SLC49A4: variants seen among roughly 807,000 people sequenced by gnomAD.
The protein encoded by SLC49A4 is disrupted in renal cancer protein 2.
Under a neutral mutation model 50.6 loss-of-function variants are expected in SLC49A4, and 36 were observed. The observed-to-expected ratio is 0.71, with a 90% CI of 0.55 to 0.94. The LOEUF (loss-of-function observed/expected upper bound fraction) is 0.94, where lower values mean the gene tolerates loss of function less well. Among genes scored for constraint, SLC49A4 ranks in the 40% least tolerant of loss-of-function variants. The pLI is 0.00. For synonymous variants in SLC49A4, 248 were observed against 241.2 expected (o/e 1.03, Z -0.26); for missense variants, 503 against 605.7 (o/e 0.83, Z 1.78).
At chr3:122,814,907 C>A (rs1936343817) in intron 2 of SLC49A4, among the ~76,000 whole-genome samples, 1 of 151,970 alleles carries the variant, frequency 6.6e-6, no homozygotes, top group African/African-American at 2.4e-5. Context: ...GATTGGACAC[C>A]CCTGGTCTAA....
rs1937335135 is a variant in SLC49A4, at chr3:122,881,137, G to A, written c.*1759G>A. On this transcript the variant is annotated 3_prime_UTR_variant, in exon 9 of 9. Transcript: ENST00000261038. The stretch of plus-strand genomic sequence containing the variant: ...TTCTGAAATAAAAATGAAATAAAAG[G>A]AAGGCAGAATTCTCTTTTTTTTTTT... 6.6e-6 allele frequency: 1 copy of A among 151,690 alleles called. No individual in the cohort carries two copies. The highest frequency in any genetic ancestry group is 1.5e-5 in the Non-Finnish European group (1 of 67,956). The allele number at this position is 151,690 out of a possible 1,614,324, so 9.4% of individuals were successfully genotyped here.
At chr3:122,819,755 A>G (rs1239931531) in intron 2 of SLC49A4, among the ~76,000 whole-genome samples, 1 of 152,096 alleles carries the variant, frequency 6.6e-6, no homozygotes, top group Non-Finnish European at 1.5e-5. Flanking sequence ...TTCTTGGGCT[A>G]AATAAAGGAA....
intron 1 of SLC49A4, among the ~76,000 whole-genome samples, chr3:122,802,841 A>G (rs1385077061): frequency 2.6e-5 from 4 of 152,194 alleles, no homozygotes; most frequent in Non-Finnish European, 4.4e-5. Flanking sequence ...AGTATATAGC[A>G]CTAGAAACTG....
chr3:122,842,971 A>G (rs1055597826), intron 4 of SLC49A4, among the ~76,000 whole-genome samples: 1 of 152,086 alleles, frequency 6.6e-6, no homozygotes, highest in Non-Finnish European at 1.5e-5. Flanking sequence ...TTTCTGAGTT[A>G]ATCAGATTAT....
At chr3:122,797,065 C>T (rs1936053425) in intron 1 of SLC49A4, among the ~76,000 whole-genome samples, 1 of 152,158 alleles carries the variant, frequency 6.6e-6, no homozygotes, top group Admixed American at 6.5e-5. Context: ...CTTCTCTCCT[C>T]CTTCACTGGA....
chr3:122,795,548 G>C lies in SLC49A4; in HGVS notation c.343+13G>C. ...CTGGACAAGAGAGGTGAGGGGTCGCGGAGCGCCAGCCCGCGCTGTCTCTCC... is the reference window on the plus strand; with the variant it reads ...CTGGACAAGAGAGGTGAGGGGTCGCCGAGCGCCAGCCCGCGCTGTCTCTCC... On this transcript the variant is annotated intron_variant, in intron 1 of 8. Transcript: ENST00000261038. 5.1e-6 allele frequency: 8 copies of C among 1,579,208 alleles called. No individual in the cohort carries two copies. The highest frequency in any genetic ancestry group is 6.8e-6 in the Non-Finnish European group (8 of 1,171,406).
At chr3:122,855,932 C>T (rs1366799738) in intron 5 of SLC49A4, among the ~76,000 whole-genome samples, 1 of 152,184 alleles carries the variant, frequency 6.6e-6, no homozygotes, top group East Asian at 1.9e-4. Flanking sequence ...CCTCCTGATA[C>T]ATTTTTAGTT....
chr3:122,820,965 G>C (rs1936440299), intron 2 of SLC49A4, among the ~76,000 whole-genome samples: 1 of 152,228 alleles, frequency 6.6e-6, no homozygotes, highest in Admixed American at 6.5e-5. Flanking sequence ...ATCCCCACAT[G>C]TGGGAGAGAC....
chr3:122,814,115 A>G (rs966407820), intron 2 of SLC49A4, among the ~76,000 whole-genome samples: 1 of 152,208 alleles, frequency 6.6e-6, no homozygotes, highest in South Asian at 2.1e-4. Flanking sequence ...TACTAAAAAT[A>G]CGAAAATTAT....
At chr3:122,837,774 A>C (rs1333550085) in intron 4 of SLC49A4, among the ~76,000 whole-genome samples, 1 of 151,630 alleles carries the variant, frequency 6.6e-6, no homozygotes, top group Admixed American at 6.6e-5. Context: ...GTGAACAGGC[A>C]ACCTACAGAA....
chr3:122,827,908 T>G (rs1936556173), intron 3 of SLC49A4, among the ~76,000 whole-genome samples: 1 of 152,200 alleles, frequency 6.6e-6, no homozygotes, highest in Non-Finnish European at 1.5e-5. Context: ...TTGTAGGAGT[T>G]CACCAAGTGT....
At chr3:122,847,350 ATTT>A (rs56148238) in intron 5 of SLC49A4, among the ~76,000 whole-genome samples, 1 of 139,194 alleles carries the variant, frequency 7.2e-6, no homozygotes, top group Admixed American at 7.3e-5. Flanking sequence ...ACAGTGTACA[ATTT>A]TTTTTTTTTT....
chr3:122,830,119 C>A (rs1338816598), intron 3 of SLC49A4, among the ~76,000 whole-genome samples: 1 of 152,092 alleles, frequency 6.6e-6, no homozygotes, highest in Admixed American at 6.5e-5. Context: ...ATAAACTTAA[C>A]AAATGAAGTG....
intron 5 of SLC49A4, among the ~76,000 whole-genome samples, chr3:122,852,192 A>G (rs2107576534): frequency 6.6e-6 from 1 of 152,098 alleles, no homozygotes; most frequent in South Asian, 2.1e-4. Flanking sequence ...GGGTTTTGCC[A>G]TGTTAGCCAG....
chr3:122,867,122 A>G (rs1050325873), intron 7 of SLC49A4, among the ~76,000 whole-genome samples: 5 of 152,214 alleles, frequency 3.3e-5, no homozygotes, highest in Admixed American at 3.3e-4. Flanking sequence ...TTATATACTT[A>G]AACAATTTGG....
intron 5 of SLC49A4, among the ~76,000 whole-genome samples, chr3:122,846,806 G>T (rs1001579042): frequency 1.3e-5 from 2 of 152,128 alleles, no homozygotes; most frequent in Admixed American, 1.3e-4. Context: ...TCTTTTTCTT[G>T]TGACATACTA....
intron 8 of SLC49A4, among the ~76,000 whole-genome samples, chr3:122,874,852 G>A (rs1937244872): frequency 6.6e-6 from 1 of 152,240 alleles, no homozygotes; most frequent in Admixed American, 6.5e-5. Context: ...CCAGGGCACA[G>A]CTGGCACCCA....
rs1411029944 is a variant in SLC49A4 at position 122,880,207 on chromosome 3, T to C, written c.*829T>C. 1.3e-5 allele frequency: 2 copies of C among 152,244 alleles called. No homozygotes were observed. The highest frequency in any genetic ancestry group is 2.9e-5 in the Non-Finnish European group (2 of 68,046). 9.4% of individuals were successfully genotyped at this position (152,244 alleles called of 1,614,324 possible). Reference sequence around the variant, plus strand: ...TACTGTGTCTTCTGCCTGTATATGGTGGCATGAGATGTAATGTCCAGAGCC... The same window carrying C: ...TACTGTGTCTTCTGCCTGTATATGGCGGCATGAGATGTAATGTCCAGAGCC... On this transcript the variant is annotated 3_prime_UTR_variant, in exon 9 of 9. Coordinates refer to ENST00000261038, the MANE Select transcript of SLC49A4 (RefSeq NM_032839.3).
chr3:122,810,428 G>T lies in SLC49A4; in HGVS notation c.437+3478G>T, dbSNP rs957583956. 5.3e-5 allele frequency among the ~76,000 whole-genome samples: 8 copies of T among 151,962 alleles called. 1 individual carries two copies. Among genetic ancestry groups the T allele is most frequent in the African/African-American group, 1.9e-4 (8 of 41,364 alleles). ...AAATTGTAAAAGCCATCACTCTATT[G>T]CAATGAGCGCTATTACTCTATAGTG... On this transcript the variant is annotated intron_variant, in intron 2 of 8. Transcript: ENST00000261038.
Sources: gnomAD v4.1 joint callset for allele counts (sites outside exome capture counted in the v4.1 genomes callset) on GRCh38, gnomAD v4.1.1 for gene constraint, MANE v1.5 for transcripts, NCBI Gene and HGNC (gene_info 2026-07-23, HGNC 2026-07-21) for gene names.